The following DNAH7 variants were observed in gnomAD, a reference collection of about 807,000 sequenced individuals.
The protein encoded by DNAH7 is axonemal beta dynein heavy chain 7.
A neutral mutation model predicts 444.6 loss-of-function variants in DNAH7; 397 were observed. The observed-to-expected ratio is 0.89, with a 90% CI of 0.82 to 0.97. DNAH7 has a LOEUF of 0.97. DNAH7 is among the 50% of genes least tolerant of loss of function. The pLI is 0.00. For synonymous variants in DNAH7, 1,636 were observed against 1,624.4 expected, an observed-to-expected ratio of 1.01 and a Z score of -0.17; for missense variants, 4,902 against 4,800.8, an observed-to-expected ratio of 1.02 and a Z score of -0.62.
At position 195,794,515 on chromosome 2, in the gene DNAH7, A is replaced by G. The variant is rs1374558900; in HGVS notation, c.10539T>C (p.His3513=). 6.2e-7 allele frequency: 1 copy of G among 1,614,184 alleles called. No individual in the cohort carries two copies. Among genetic ancestry groups the G allele is most frequent in the South Asian group, 1.1e-5 (1 of 91,080 alleles). The change falls in exon 57 of 65, where the codon CAT becomes CAC. Residue 3513 remains histidine, a synonymous_variant. Coordinates refer to ENST00000312428, the MANE Select transcript of DNAH7 (RefSeq NM_018897.3). Reference sequence around the variant, plus strand: ...TCGTTAGCCACATTCGGAAATCTGGATGTGTTGACTCTGGGCTTAACTCCT... The same window carrying G: ...TCGTTAGCCACATTCGGAAATCTGGGTGTGTTGACTCTGGGCTTAACTCCT... ...VCEELSPEST[H]PDFRMWLTSY... is the part of the protein sequence containing the mutation.
chr2:195,747,518 A>T (rs147254468), intron 63 of DNAH7, among the ~76,000 whole-genome samples: 5 of 152,182 alleles, frequency 3.3e-5, no homozygotes, highest in African/African-American at 1.2e-4. Flanking sequence ...TACCAAAGCC[A>T]GGCAGAGACA....
At chr2:195,923,831 T>C (rs777302018) in intron 22 of DNAH7, 24 bp from the exon 23 acceptor site, 19 of 1,601,118 alleles carry the variant, frequency 1.2e-5, no homozygotes, top group East Asian at 4.5e-5. Flanking sequence ...AAATAAGATA[T>C]GATTTCCCAA....
intron 45 of DNAH7, among the ~76,000 whole-genome samples, chr2:195,855,393 G>A (rs960531304): frequency 6.6e-6 from 1 of 151,986 alleles, no homozygotes; most frequent in African/African-American, 2.4e-5. Context: ...TACAACCTAC[G>A]TCACTTAACA....
chr2:195,909,994 C>T (rs1464883258), intron 25 of DNAH7, 33 bp downstream of exon 25: 1 of 1,582,640 alleles, frequency 6.3e-7, no homozygotes, highest in Non-Finnish European at 8.6e-7. Context: ...GATCAGTTAT[C>T]CTGTTGTAAA....
intron 19 of DNAH7, among the ~76,000 whole-genome samples, chr2:195,943,203 G>A (rs1351289120): frequency 2.0e-5 from 3 of 152,084 alleles, no homozygotes; most frequent in African/African-American, 7.2e-5. Context: ...AAATTACCTG[G>A]TCTCAGGCAT....
Position 195,864,428 on chromosome 2 carries a change from C to G in DNAH7, c.7227G>C (p.Leu2409=), listed in dbSNP as rs756263448. The G allele has an allele frequency of 8.1e-6, 13 of 1,614,046 alleles. No homozygotes were observed. In the East Asian group the frequency reaches 2.7e-4, roughly 33 times the overall value. Residue 2409 remains leucine, a synonymous_variant, in exon 41 of 65, where the codon CTG becomes CTC. Transcript: ENST00000312428. ...TDTQIKEESF[L]EDVSNLLNAG... The stretch of plus-strand genomic sequence containing the variant: ...CATTTAGCAGATTACTGACATCTTC[C>G]AGAAAAGACTCTTCTTTAATTTGAG...
At chr2:195,835,725 T>C (rs983482522) in intron 47 of DNAH7, among the ~76,000 whole-genome samples, 6 of 151,998 alleles carry the variant, frequency 3.9e-5, no homozygotes, top group Non-Finnish European at 7.4e-5. Flanking sequence ...ATGCCTGTAA[T>C]CCCAGCTACT....
At chr2:196,064,885 G>A (rs940513017) in intron 1 of DNAH7, among the ~76,000 whole-genome samples, 3 of 152,040 alleles carry the variant, frequency 2.0e-5, no homozygotes, top group Admixed American at 6.6e-5. Flanking sequence ...ATGTCTCAGC[G>A]AACTCCTTGG....
At position 195,845,160 on chromosome 2, in the gene DNAH7, T is replaced by C; in HGVS notation, c.8787A>G (p.Gln2929=). The change falls in exon 47 of 65, where the codon CAA becomes CAG. Residue 2929 remains glutamine, a synonymous_variant. Transcript: ENST00000312428. ...GAFTSTYRQN[Q]TKEWTTLCKG... Reference sequence around the variant, plus strand: ...TGCACAAAGTTGTCCACTCTTTAGTTTGATTCTTTAGAACATCCACAGAAA... The same window carrying C: ...TGCACAAAGTTGTCCACTCTTTAGTCTGATTCTTTAGAACATCCACAGAAA... The C allele has an allele frequency of 1.9e-6, 3 of 1,607,280 alleles. No individual in the cohort carries two copies. The South Asian group carries it at 3.4e-5, about 18-fold the overall frequency.
At chr2:195,872,056 T>C (rs1013779272) in intron 40 of DNAH7, among the ~76,000 whole-genome samples, 194 bp downstream of exon 40, 2 of 148,400 alleles carry the variant, frequency 1.3e-5, no homozygotes, top group African/African-American at 4.9e-5. Context: ...ATATGGGAGA[T>C]AAAGCATTTT....
chr2:195,754,342 T>G lies in DNAH7; in HGVS notation c.11759A>C (p.Glu3920Ala). 1 of 1,613,800 alleles carries G rather than the reference T, an allele frequency of 6.2e-7. No homozygotes were observed. Among genetic ancestry groups the G allele is most frequent in the Non-Finnish European group, 8.5e-7 (1 of 1,179,776 alleles). Residue 3920 changes from glutamate to alanine, a missense_variant, in exon 63 of 65, where the codon GAG (glutamate) becomes GCG (alanine). Glu to Ala is a moderately radical substitution (Grantham distance 107). Transcript: ENST00000312428. ...CATTCTGTCCCTGCACTTACCATCC[T>G]CAGGAGGATGCTTGTATTCTTTGTC... Reference protein sequence around the residue: ...MEDKEYKHPPEDGVFIHGLFL... With the variant: ...MEDKEYKHPPADGVFIHGLFL...
At chr2:195,857,851 T>C (rs1167073260) in intron 43 of DNAH7, 128 bp from the exon 44 acceptor site, 5 of 812,348 alleles carry the variant, frequency 6.2e-6, no homozygotes, top group East Asian at 5.5e-5. Flanking sequence ...GTGACAGTAA[T>C]AGAACTGCAC....
intron 63 of DNAH7, among the ~76,000 whole-genome samples, chr2:195,744,500 G>A (rs1331876255): frequency 6.6e-6 from 1 of 152,200 alleles, no homozygotes; most frequent in East Asian, 1.9e-4. Context: ...GAGGAGAGCA[G>A]TGGTTCTCCC....
chr2:195,802,677 AC>A (rs1279167345), intron 54 of DNAH7, among the ~76,000 whole-genome samples: 2 of 152,066 alleles, frequency 1.3e-5, no homozygotes, highest in Non-Finnish European at 2.9e-5. Context: ...AACAAAAAAA[AC>A]AAAATCAAAA....
At chr2:195,745,784 A>C (rs911035113) in intron 63 of DNAH7, among the ~76,000 whole-genome samples, 1 of 152,220 alleles carries the variant, frequency 6.6e-6, no homozygotes, top group African/African-American at 2.4e-5. Context: ...AAAATACTTT[A>C]CCGACAAGCA....
At chr2:195,985,287 G>A (rs923477953) in intron 14 of DNAH7, among the ~76,000 whole-genome samples, 3 of 152,194 alleles carry the variant, frequency 2.0e-5, no homozygotes, top group Non-Finnish European at 4.4e-5. Context: ...TGGCTGAAAG[G>A]TGAAGGAGAG....
rs1177538066 is a variant in DNAH7, at chr2:195,936,769, T to TA, written c.3101dup (p.Thr1035AsnfsTer3). 1.3e-6 allele frequency: 2 copies of TA among 1,556,994 alleles called. No individual in the cohort carries two copies. Among genetic ancestry groups the TA allele is most frequent in the Admixed American group, 4.0e-5 (2 of 50,350 alleles). On this transcript the variant is annotated frameshift_variant, in exon 20 of 65. Transcript: ENST00000312428. LOFTEE classifies it high-confidence loss of function. Reference sequence around the variant, plus strand: ...GCCTTTCCAGCATTCTGTCAATGGTTACAACTGTCAGAACATGTTTATCCT... The same window carrying TA: ...GCCTTTCCAGCATTCTGTCAATGGTTAACAACTGTCAGAACATGTTTATCCT...
chr2:195,991,979 G>A (rs115705967), intron 12 of DNAH7, among the ~76,000 whole-genome samples: 3 of 152,218 alleles, frequency 2.0e-5, no homozygotes, highest in Middle Eastern at 3.4e-3. Context: ...GATTTACTAG[G>A]ATTCCTTTAG....
intron 63 of DNAH7, among the ~76,000 whole-genome samples, chr2:195,749,565 A>G (rs2105898184): frequency 6.6e-6 from 1 of 152,096 alleles, no homozygotes; most frequent in South Asian, 2.1e-4. Flanking sequence ...CACAATAGCA[A>G]AGACTTGGAA....
Sources: allele counts gnomAD v4.1 joint callset (sites outside exome capture counted in the v4.1 genomes callset), GRCh38; gene constraint gnomAD v4.1.1; transcripts MANE v1.5; gene names NCBI Gene and HGNC (gene_info 2026-07-23, HGNC 2026-07-21).